Variants in RPS6KB1 observed in about 807,000 individuals in gnomAD.
RPS6KB1 encodes ribosomal protein S6 kinase beta-1.
Under a neutral mutation model 70.2 loss-of-function variants are expected in RPS6KB1, and 12 were observed. The ratio of observed to expected loss-of-function variants is 0.17; its 90% CI spans 0.11 to 0.28. The LOEUF (loss-of-function observed/expected upper bound fraction) is 0.28, where lower values mean the gene tolerates loss of function less well. RPS6KB1 is among the 10% of genes least tolerant of loss of function. RPS6KB1 has a pLI of 1.00. For missense variants in RPS6KB1, 270 were observed against 646.6 expected, an observed-to-expected ratio of 0.42 and a Z score of 6.32; for synonymous variants, 175 against 211.2, an observed-to-expected ratio of 0.83 and a Z score of 1.49.
At chr17:59,915,775 CTTTTTT>C (rs71370143) in intron 4 of RPS6KB1, among the ~76,000 whole-genome samples, 5 of 77,922 alleles carry the variant, frequency 6.4e-5, no homozygotes, top group African/African-American at 1.3e-4. Flanking sequence ...CTACTGCTAT[CTTTTTT>C]TTTTTTTTTT....
intron 1 of RPS6KB1, among the ~76,000 whole-genome samples, chr17:59,909,883 G>A (rs1268118876): frequency 2.0e-5 from 3 of 152,098 alleles, no homozygotes; most frequent in South Asian, 2.1e-4. Context: ...ATGGTGGCAG[G>A]CACCTGTAAT....
rs2044972566 is a variant in RPS6KB1 at position 59,947,100 on chromosome 17, G to A, written c.*312G>A. The A allele has an allele frequency of 8.5e-7, 1 of 1,176,396 alleles. No individual in the cohort carries two copies. Among genetic ancestry groups the A allele is most frequent in the Admixed American group, 4.0e-5 (1 of 24,994 alleles). The allele number at this position is 1,176,396 out of a possible 1,614,324, so 72.9% of individuals were successfully genotyped here. A position where few individuals can be genotyped will look rare whatever the true frequency, so the allele number is the denominator to read the frequency against. On this transcript the variant is annotated 3_prime_UTR_variant, in exon 15 of 15. Transcript: ENST00000225577. The stretch of plus-strand genomic sequence containing the variant: ...CTGACAGTATTAAGGGTAGGATGTT[G>A]CTTCTGAATCACTGTTGAGTTCTGA...
At chr17:59,926,828 TAACAGAAA>T (rs2043634944) in intron 5 of RPS6KB1, among the ~76,000 whole-genome samples, 3 of 152,220 alleles carry the variant, frequency 2.0e-5, no homozygotes, top group Admixed American at 2.0e-4. Context: ...ATCACTCACT[TAACAGAAA>T]AACGAATACC....
At chr17:59,925,024 C>G (rs763773794) in intron 4 of RPS6KB1, among the ~76,000 whole-genome samples, 1 of 151,654 alleles carries the variant, frequency 6.6e-6, no homozygotes, top group Non-Finnish European at 1.5e-5. Context: ...GTAGAGATGG[C>G]GTTTCACCGT....
rs2045154056 is a variant in RPS6KB1 at position 59,950,490 on chromosome 17, A to G, written c.*3702A>G. 7.8e-6 allele frequency: 1 copy of G among 127,496 alleles called. No individual in the cohort carries two copies. Among genetic ancestry groups the G allele is most frequent in the Non-Finnish European group, 1.6e-5 (1 of 61,164 alleles). 7.9% of individuals were successfully genotyped at this position (127,496 alleles called of 1,614,324 possible). ...AGGAATTAGTATACGTATCAGGTGTATAAATGGTTTAAATTTATTTTAACA... is the reference window on the plus strand; with the variant it reads ...AGGAATTAGTATACGTATCAGGTGTGTAAATGGTTTAAATTTATTTTAACA... On this transcript the variant is annotated 3_prime_UTR_variant, in exon 15 of 15. Coordinates refer to ENST00000225577, the MANE Select transcript of RPS6KB1 (RefSeq NM_003161.4).
rs1319608010 is a variant in RPS6KB1, at chr17:59,942,048, C to T, written c.1227+1105C>T. On this transcript the variant is annotated intron_variant, in intron 13 of 14. Coordinates refer to ENST00000225577, the MANE Select transcript of RPS6KB1 (RefSeq NM_003161.4). ...TAATTTTTTGTATTTGTAGTAGAGACGGGGTTTCATCGTGTTAGCCAGGAT... is the reference window on the plus strand; with the variant it reads ...TAATTTTTTGTATTTGTAGTAGAGATGGGGTTTCATCGTGTTAGCCAGGAT... Among the ~76,000 whole-genome samples, 9 of 152,044 alleles carry T rather than the reference C, an allele frequency of 5.9e-5. No homozygotes were observed. The East Asian group carries it at 7.8e-4, about 13-fold the overall frequency.
intron 1 of RPS6KB1, among the ~76,000 whole-genome samples, chr17:59,900,144 G>A (rs1463482540): frequency 1.4e-5 from 2 of 146,566 alleles, no homozygotes; most frequent in African/African-American, 5.0e-5. Flanking sequence ...CAGCACTCCA[G>A]CCTGGGTGAC....
At position 59,948,032 on chromosome 17, in the gene RPS6KB1, T is replaced by G. The variant is rs2045030351; in HGVS notation, c.*1244T>G. ...TTGATTGTAAAAATATTTGATGGCC[T>G]TTTGATGAATGTCTTCCACAGTAAA... On this transcript the variant is annotated 3_prime_UTR_variant, in exon 15 of 15. Coordinates refer to ENST00000225577, the MANE Select transcript of RPS6KB1 (RefSeq NM_003161.4). 6.4e-6 allele frequency: 1 copy of G among 157,046 alleles called. No individual in the cohort carries two copies. The highest frequency in any genetic ancestry group is 2.4e-5 in the African/African-American group (1 of 41,614). The allele number at this position is 157,046 out of a possible 1,614,324, so 9.7% of individuals were successfully genotyped here. A position where few individuals can be genotyped will look rare whatever the true frequency, so the allele number is the denominator to read the frequency against.
intron 1 of RPS6KB1, among the ~76,000 whole-genome samples, chr17:59,910,319 A>G (rs1362280158): frequency 1.3e-5 from 2 of 152,136 alleles, no homozygotes; most frequent in East Asian, 1.9e-4. Context: ...TATTGACTGC[A>G]TTCCAGTCTG....
intron 13 of RPS6KB1, among the ~76,000 whole-genome samples, chr17:59,943,652 G>T (rs542441557): frequency 2.0e-5 from 3 of 151,904 alleles, no homozygotes; most frequent in South Asian, 4.1e-4. Context: ...TCTGAGGTGG[G>T]CGGATCACAA....
chr17:59,913,513 C>A (rs887093303), intron 3 of RPS6KB1, among the ~76,000 whole-genome samples: 4 of 152,170 alleles, frequency 2.6e-5, no homozygotes, highest in Non-Finnish European at 5.9e-5. Context: ...CACTTTGAAT[C>A]TCACATGTTT....
Position 59,914,627 on chromosome 17 carries a change from T to TA in RPS6KB1, c.313-6dup, listed in dbSNP as rs1353690707. ...CCTTTGAATAACACACACTTTTTTT[T>TA]AATCCAGGTTTTTCAAGTACGAAAA... On this transcript the variant is annotated splice_region_variant and splice_polypyrimidine_tract_variant and intron_variant, in intron 3 of 14. Coordinates refer to ENST00000225577, the MANE Select transcript of RPS6KB1 (RefSeq NM_003161.4). 8 of 1,610,514 alleles carry TA rather than the reference T, an allele frequency of 5.0e-6. No individual in the cohort carries two copies. Among genetic ancestry groups the TA allele is most frequent in the Non-Finnish European group, 6.8e-6 (8 of 1,177,578 alleles).
chr17:59,906,566 T>C lies in RPS6KB1; in HGVS notation c.142-3996T>C, dbSNP rs925869164. On this transcript the variant is annotated intron_variant, in intron 1 of 14. Transcript: ENST00000225577. Reference sequence around the variant, plus strand: ...TAGTAGAGATGGGGTTTCACCATATTGGCCAGGCTGGTCTTGAACTCCTGA... The same window carrying C: ...TAGTAGAGATGGGGTTTCACCATATCGGCCAGGCTGGTCTTGAACTCCTGA... 8.5e-5 allele frequency among the ~76,000 whole-genome samples: 13 copies of C among 152,194 alleles called. 1 individual carries two copies. Among genetic ancestry groups the C allele is most frequent in the Non-Finnish European group, 1.0e-4 (7 of 68,036 alleles).
intron 4 of RPS6KB1, among the ~76,000 whole-genome samples, chr17:59,919,567 G>C (rs2043153162): frequency 6.6e-6 from 1 of 152,026 alleles, no homozygotes; most frequent in Non-Finnish European, 1.5e-5. Context: ...TTCTGGAGCT[G>C]AGTGAGAGAA....
At position 59,946,725 on chromosome 17, in the gene RPS6KB1, A is replaced by G. The variant is rs544108237; in HGVS notation, c.1515A>G (p.Pro505=). Residue 505 remains proline (P), a synonymous_variant, in exon 15 of 15, where the codon CCA becomes CCG. Coordinates refer to ENST00000225577, the MANE Select transcript of RPS6KB1 (RefSeq NM_003161.4). The surrounding 1 kb of genome is among the most constrained non-coding windows in gnomAD (Gnocchi z 4.2). ...CAATACGACAGCCGAACTCTGGGCC[A>G]TACAAAAAACAAGCTTTTCCCATGA... The part of the protein sequence containing the change: ...PLPIRQPNSG[P]YKKQAFPMIS... 6.2e-7 allele frequency: 1 copy of G among 1,614,096 alleles called. No homozygotes were observed. Among genetic ancestry groups the G allele is most frequent in the African/African-American group, 1.3e-5 (1 of 75,046 alleles).
intron 13 of RPS6KB1, among the ~76,000 whole-genome samples, chr17:59,942,826 A>G (rs1182271400): frequency 6.6e-6 from 1 of 152,046 alleles, no homozygotes; most frequent in Admixed American, 6.6e-5. Flanking sequence ...CTAAAAGTAC[A>G]AAAATTAGCC....
intron 13 of RPS6KB1, 109 bp downstream of exon 13, chr17:59,941,052 AC>A: frequency 7.6e-6 from 4 of 526,622 alleles, no homozygotes; most frequent in South Asian, 2.7e-5. Flanking sequence ...AACCTGGCCC[AC>A]TTTTTTTTTT....
At chr17:59,908,346 C>T (rs2042391172) in intron 1 of RPS6KB1, among the ~76,000 whole-genome samples, 2 of 151,762 alleles carry the variant, frequency 1.3e-5, no homozygotes, top group South Asian at 4.2e-4. Flanking sequence ...GCACCCACCA[C>T]CACGCCTGGC....
intron 1 of RPS6KB1, among the ~76,000 whole-genome samples, chr17:59,903,214 A>G (rs1205802721): frequency 1.3e-5 from 2 of 151,982 alleles, no homozygotes. Flanking sequence ...GCTGAGGCAA[A>G]GAATTGCTTG....
Sources: allele counts gnomAD v4.1 joint callset (sites outside exome capture counted in the v4.1 genomes callset), GRCh38; gene constraint gnomAD v4.1.1; non-coding constraint Gnocchi (gnomAD v3.1); transcripts MANE v1.5; gene names NCBI Gene and HGNC (gene_info 2026-07-23, HGNC 2026-07-21).